HDAC6: variants seen among roughly 807,000 people sequenced by gnomAD.
HDAC6 encodes protein deacetylase HDAC6.
A neutral mutation model predicts 88.9 loss-of-function variants in HDAC6; 5 were observed. The ratio of observed to expected loss-of-function variants is 0.06; its 90% CI spans 0.03 to 0.12. HDAC6 has a LOEUF of 0.12. Ranked by LOEUF, HDAC6 falls within the 10% of genes least tolerant of loss-of-function variation. The probability of loss-of-function intolerance (pLI) is 1.00; values close to 1 mark genes in which losing one functional copy is unlikely to be tolerated. For synonymous variants in HDAC6, 378 were observed against 398.0 expected, an observed-to-expected ratio of 0.95 and a Z score of 0.60; for missense variants, 706 against 1,014.4, an observed-to-expected ratio of 0.70 and a Z score of 4.13.
chrX:48,814,335 T>C (rs782812700), intron 10 of HDAC6, 105 bp from the exon 11 acceptor site: 9 of 794,426 alleles, frequency 1.1e-5, no homozygotes, highest in Non-Finnish European at 1.5e-5. Context: ...AACGAGTGGT[T>C]GAATGGGGAA....
intron 23 of HDAC6, among the ~76,000 whole-genome samples, chrX:48,821,491 C>CT (rs869154128): frequency 0.039 from 2,975 of 77,257 alleles, 49 homozygotes; most frequent in Non-Finnish European, 0.053. Context: ...ATACCTGCCT[C>CT]TTTTTTTTTT....
intron 22 of HDAC6, chrX:48,819,747 G>A: frequency 3.5e-6 from 1 of 282,588 alleles, no homozygotes; most frequent in Admixed American, 5.0e-5. Flanking sequence ...GTTTCACTGT[G>A]TTAGCCAGGA....
Position 48,815,380 on chromosome X carries a change from C to T in HDAC6, c.1150-4C>T, listed in dbSNP as rs782114239. On this transcript the variant is annotated splice_region_variant and splice_polypyrimidine_tract_variant and intron_variant, in intron 14 of 28. Transcript: ENST00000334136. ...TGATCCCCCTTCACAACTCCTTGCC[C>T]CAGGGTGGCTACAACCTCCGCGCCC... 8.4e-7 allele frequency: 1 copy of T among 1,184,360 alleles called. No individual in the cohort carries two copies. The highest frequency in any genetic ancestry group is 1.1e-6 in the Non-Finnish European group (1 of 877,057).
intron 24 of HDAC6, 39 bp downstream of exon 24, chrX:48,822,833 G>A: frequency 1.7e-6 from 2 of 1,169,713 alleles, no homozygotes; most frequent in Non-Finnish European, 1.1e-6. Context: ...ACCCAGGGAA[G>A]GAGGGGGCTG....
intron 10 of HDAC6, among the ~76,000 whole-genome samples, chrX:48,810,094 TAGAC>T (rs1167701057): frequency 9.3e-6 from 1 of 107,997 alleles, no homozygotes; most frequent in Non-Finnish European, 1.9e-5. Flanking sequence ...TTTAAATTAT[TAGAC>T]AGGGTATCAC....
chrX:48,816,453 C>G lies in HDAC6; in HGVS notation c.1623-12C>G. ...CTCACTGTCCTGCGGGTGCTCCTCT[C>G]TGTGCTTCCAGTGCTGAGTACGTGG... is the stretch of plus-strand genomic sequence containing the variant. On this transcript the variant is annotated splice_polypyrimidine_tract_variant and intron_variant, in intron 18 of 28. Coordinates refer to ENST00000334136, the MANE Select transcript of HDAC6 (RefSeq NM_006044.4). 8.4e-7 allele frequency: 1 copy of G among 1,194,790 alleles called. No individual in the cohort carries two copies. The highest frequency in any genetic ancestry group is 1.1e-6 in the Non-Finnish European group (1 of 886,322).
intron 1 of HDAC6, chrX:48,802,423 A>G: frequency 1.0e-6 from 1 of 959,999 alleles, no homozygotes; most frequent in African/African-American, 2.0e-5. Flanking sequence ...GGGCAAGACC[A>G]GGGAAAGAGA....
intron 23 of HDAC6, among the ~76,000 whole-genome samples, chrX:48,820,843 G>A (rs1456623961): frequency 9.0e-6 from 1 of 111,291 alleles, no homozygotes; most frequent in Non-Finnish European, 1.9e-5. Context: ...TGTTGTTGTT[G>A]TTGTTGTTTG....
At chrX:48,802,625 G>GC in intron 1 of HDAC6, 38 bp from the exon 2 acceptor site, 1 of 1,167,042 alleles carries the variant, frequency 8.6e-7, no homozygotes, top group Non-Finnish European at 1.1e-6. Flanking sequence ...GGGCACACTA[G>GC]CCCCCTCACA....
intron 7 of HDAC6, 25 bp from the exon 8 acceptor site, chrX:48,806,584 T>C (rs370824933): frequency 7.9e-6 from 9 of 1,146,236 alleles, no homozygotes; most frequent in African/African-American, 1.8e-5. Flanking sequence ...CTTACTCCCT[T>C]TCTGGCTCCC....
chrX:48,818,853 A>G (rs1389892317), intron 22 of HDAC6, among the ~76,000 whole-genome samples: 1 of 111,837 alleles, frequency 8.9e-6, no homozygotes, highest in Non-Finnish European at 1.9e-5. Flanking sequence ...CCTGTGTGGG[A>G]CCTTCTGGAT....
Position 48,816,501 on chromosome X carries a change from A to G in HDAC6, c.1659A>G (p.Lys553=). The G allele has an allele frequency of 1.7e-6, 2 of 1,208,169 alleles. No individual in the cohort carries two copies. The highest frequency in any genetic ancestry group is 2.2e-6 in the Non-Finnish European group (2 of 893,690). Reference sequence around the variant, plus strand: ...TGGGTCATCTCCGGGCCACAGAGAAAATGAAAACCCGGGAGCTGCACCGTG... The same window carrying G: ...TGGGTCATCTCCGGGCCACAGAGAAGATGAAAACCCGGGAGCTGCACCGTG... ...EYVGHLRATE[K]MKTRELHRES... is the part of the protein sequence containing the mutation. The change falls in exon 19 of 29, where the codon AAA becomes AAG. Residue 553 remains lysine (K), a synonymous_variant. Coordinates refer to ENST00000334136, the MANE Select transcript of HDAC6 (RefSeq NM_006044.4).
intron 18 of HDAC6, 85 bp downstream of exon 18, chrX:48,816,354 G>C: frequency 8.8e-7 from 1 of 1,137,828 alleles, no homozygotes; most frequent in Non-Finnish European, 1.2e-6. Context: ...CCCCTCCTGG[G>C]GAGCTGCTGC....
rs1557031585 is a variant in HDAC6, at chrX:48,824,258, C to T, written c.3543C>T (p.Ala1181=). 1 of 1,211,293 alleles carries T rather than the reference C, an allele frequency of 8.3e-7. No homozygotes were observed. The highest frequency in any genetic ancestry group is 2.2e-5 in the Admixed American group (1 of 45,997). The part of the protein sequence containing the change: ...PLVLSYIDLS[A]WCYYCQAYVH... ...TCCTCAGCTACATCGACCTGTCAGC[C>T]TGGTGTTACTACTGTCAGGCCTATG... The change falls in exon 28 of 29, where the codon GCC becomes GCT. Residue 1181 remains alanine (A), a synonymous_variant. Transcript: ENST00000334136.
chrX:48,810,574 A>C (rs1312843973), intron 10 of HDAC6: 3 of 109,182 alleles, frequency 2.7e-5, no homozygotes, highest in African/African-American at 1.0e-4. Context: ...TTGATCCTCT[A>C]TGTCTCTCTC....
Position 48,823,389 on chromosome X carries a change from C to T in HDAC6, c.2990C>T (p.Ala997Val), listed in dbSNP as rs1557030956. 2 of 1,209,444 alleles carry T rather than the reference C, an allele frequency of 1.7e-6. No individual in the cohort carries two copies. Among genetic ancestry groups the T allele is most frequent in the Non-Finnish European group, 1.1e-6 (1 of 894,305 alleles). ...ACACTGGCCCAGACCACCTCGGAGG[C>T]AGCCATGGAGGGAGCCACACTGGAC... Reference protein sequence around the residue: ...GATLAQTTSEAAMEGATLDQT... With the variant: ...GATLAQTTSEVAMEGATLDQT... The change falls in exon 25 of 29, where the codon GCA becomes GTA. Residue 997 changes from alanine (A) to valine (V), a missense_variant. Ala to Val is a moderately conservative substitution (Grantham distance 64, BLOSUM62 0). Coordinates refer to ENST00000334136, the MANE Select transcript of HDAC6 (RefSeq NM_006044.4).
At chrX:48,803,630 G>A (rs2062764378) in intron 4 of HDAC6, among the ~76,000 whole-genome samples, 1 of 111,919 alleles carries the variant, frequency 8.9e-6, no homozygotes, top group African/African-American at 3.3e-5. Context: ...TACTGAAACA[G>A]AAGGATGAAA....
Position 48,817,433 on chromosome X carries a change from C to G in HDAC6, c.1899C>G (p.Ala633=). ...FNSVAVAARH[A]QTISGHALRI... ...CTGTGGCTGTGGCTGCTCGCCATGC[C>G]CAGACTATCAGTGGGCATGCCCTAC... The change falls in exon 20 of 29, where the codon GCC becomes GCG. Residue 633 remains alanine (A), a synonymous_variant. Transcript: ENST00000334136. 8.3e-7 allele frequency: 1 copy of G among 1,209,456 alleles called. No homozygotes were observed. Among genetic ancestry groups the G allele is most frequent in the Non-Finnish European group, 1.1e-6 (1 of 894,766 alleles).
rs781810340 is a variant in HDAC6 at position 48,816,604 on chromosome X, C to T, written c.1762C>T (p.Arg588Cys). ...CAQLATGAAC[R>C]LVEAVLSGEV... ...ACAGCTTGCCACTGGCGCTGCCTGC[C>T]GCCTGGTGGAGGCTGTGCTCTCAGG... Residue 588 changes from arginine (R) to cysteine (C), a missense_variant, in exon 19 of 29, where the codon CGC becomes TGC. By Grantham distance (180) the Arg-to-Cys change is radical. This residue lies in a region of HDAC6 where 138 missense variants were observed against 303.5 expected (regional missense o/e 0.45). Transcript: ENST00000334136. 20 of 1,208,892 alleles carry T rather than the reference C, an allele frequency of 1.7e-5. No individual in the cohort carries two copies. The South Asian group carries it at 1.9e-4, about 12-fold the overall frequency.
Sources: allele counts gnomAD v4.1 joint callset (sites outside exome capture counted in the v4.1 genomes callset), GRCh38; gene constraint gnomAD v4.1.1; regional missense constraint gnomAD v4.1.1; transcripts MANE v1.5; gene names NCBI Gene and HGNC (gene_info 2026-07-23, HGNC 2026-07-21).